The following PRKCD variants were observed in gnomAD, a reference collection of about 807,000 sequenced individuals.
PRKCD encodes protein kinase C delta type.
In PRKCD, 20 loss-of-function variants were observed where a neutral mutation model predicts 82.2. The observed-to-expected ratio is 0.24, with a 90% CI of 0.17 to 0.35. The LOEUF is 0.35. Ranked by LOEUF, PRKCD falls within the 10% of genes least tolerant of loss-of-function variation. PRKCD has a pLI of 1.00. For missense variants in PRKCD, 607 were observed against 899.0 expected, an observed-to-expected ratio of 0.68 and a Z score of 4.15; for synonymous variants, 317 against 337.0, an observed-to-expected ratio of 0.94 and a Z score of 0.65.
intron 1 of PRKCD, among the ~76,000 whole-genome samples, chr3:53,162,279 G>C (rs934223073): frequency 9.2e-5 from 14 of 152,152 alleles, no homozygotes; most frequent in Admixed American, 7.2e-4. Context: ...TCGGGGGGGG[G>C]GGTCCTCCTG....
intron 4 of PRKCD, 81 bp downstream of exon 4, chr3:53,179,857 C>T (rs1553666986): frequency 6.6e-7 from 1 of 1,507,374 alleles, no homozygotes; most frequent in Non-Finnish European, 8.9e-7. Context: ...TGTGCGTGCA[C>T]ACACGCGGGC....
At position 53,190,063 on chromosome 3, in the gene PRKCD, T is replaced by C; in HGVS notation, c.1872+62T>C. 1.9e-6 allele frequency: 3 copies of C among 1,599,600 alleles called. No individual in the cohort carries two copies. In the South Asian group the frequency reaches 3.3e-5, roughly 18 times the overall value. On this transcript the variant is annotated intron_variant, in intron 18 of 18. Transcript: ENST00000330452. ...CTACTCCTCTCCTGCCCTCCCTCTC[T>C]CCTGCATCATTCACACGCTTTCCAC...
intron 1 of PRKCD, among the ~76,000 whole-genome samples, chr3:53,162,195 C>G (rs1553663125): frequency 6.6e-6 from 1 of 152,002 alleles, no homozygotes; most frequent in Non-Finnish European, 1.5e-5. Flanking sequence ...GGCCCCTGCC[C>G]GATACGGTCT....
At chr3:53,183,725 G>A in intron 9 of PRKCD, 144 bp downstream of exon 9, 1 of 1,227,976 alleles carries the variant, frequency 8.1e-7, no homozygotes, top group Non-Finnish European at 1.1e-6. Context: ...AGGCCTTGGT[G>A]GACCCTCCCC....
intron 2 of PRKCD, among the ~76,000 whole-genome samples, chr3:53,174,133 T>C (rs1220203864): frequency 6.6e-6 from 1 of 152,216 alleles, no homozygotes; most frequent in South Asian, 2.1e-4. Flanking sequence ...TGGATCCGCA[T>C]AGGGATAACG....
intron 18 of PRKCD, among the ~76,000 whole-genome samples, chr3:53,191,540 A>G (rs572376536): frequency 4.5e-4 from 68 of 152,318 alleles, no homozygotes; most frequent in African/African-American, 1.6e-3. Context: ...GTCTTTCTAT[A>G]TTACCATCCC....
At position 53,187,407 on chromosome 3, in the gene PRKCD, G is replaced by A. The variant is rs1296260334; in HGVS notation, c.1415+5G>A. 5.0e-6 allele frequency: 8 copies of A among 1,613,728 alleles called. No homozygotes were observed. The highest frequency in any genetic ancestry group is 2.7e-5 in the African/African-American group (2 of 74,888). The stretch of plus-strand genomic sequence containing the variant: ...CAGCAAGGGCATCATTTACAGGTGC[G>A]GGGGTGAGGGCAGCGGGGGCTCTTG... On this transcript the variant is annotated splice_donor_5th_base_variant and intron_variant, in intron 15 of 18. Coordinates refer to ENST00000330452, the MANE Select transcript of PRKCD (RefSeq NM_006254.4).
In PRKCD at chr3:53,166,755, T is replaced by G. The variant is rs567618948; in HGVS notation, c.-20+1540T>G. On this transcript the variant is annotated intron_variant, in intron 2 of 18. Coordinates refer to ENST00000330452, the MANE Select transcript of PRKCD (RefSeq NM_006254.4). ...GGGCAAGTTCCAGGTGTGGCTGTGA[T>G]CTCAGTAAGGGGGGCTGGGCCACCC... 1.2e-4 allele frequency among the ~76,000 whole-genome samples: 19 copies of G among 152,342 alleles called. No homozygotes were observed. The South Asian group carries it at 3.9e-3, about 32-fold the overall frequency.
intron 2 of PRKCD, among the ~76,000 whole-genome samples, chr3:53,166,204 G>A (rs1326181713): frequency 6.6e-6 from 1 of 152,176 alleles, no homozygotes; most frequent in Admixed American, 6.5e-5. Context: ...TTCACTCTGG[G>A]GTAGGAGTTG....
At chr3:53,170,859 A>G (rs993441728) in intron 2 of PRKCD, among the ~76,000 whole-genome samples, 2 of 151,384 alleles carry the variant, frequency 1.3e-5, no homozygotes, top group African/African-American at 2.4e-5. Context: ...GTGCGTGTGG[A>G]GCCTATGTGG....
rs576024474 is a variant in PRKCD, at chr3:53,192,413, A to T, written c.*147A>T. 56 of 852,032 alleles carry T rather than the reference A, an allele frequency of 6.6e-5. No individual in the cohort carries two copies. In the South Asian group the frequency reaches 8.7e-4, roughly 13 times the overall value. 52.8% of individuals were successfully genotyped at this position (852,032 alleles called of 1,614,324 possible). On this transcript the variant is annotated 3_prime_UTR_variant, in exon 19 of 19. Coordinates refer to ENST00000330452, the MANE Select transcript of PRKCD (RefSeq NM_006254.4). ...TTGGCTGCCGTCTGGCCGGGCTCTC[A>T]TGGTACTTCCTCTGTGAACTGTGTG...
chr3:53,187,484 C>T, intron 15 of PRKCD, 82 bp downstream of exon 15: 6 of 1,444,524 alleles, frequency 4.2e-6, no homozygotes, highest in Non-Finnish European at 5.7e-6. Flanking sequence ...CAAGCAGGAT[C>T]CCCCCAACTC....
chr3:53,175,567 C>T (rs1703188644), intron 2 of PRKCD, among the ~76,000 whole-genome samples: 1 of 152,162 alleles, frequency 6.6e-6, no homozygotes, highest in Non-Finnish European at 1.5e-5. Flanking sequence ...ACCCAGGCGG[C>T]CTGGCCATCA....
chr3:53,168,671 G>A (rs1702912221), intron 2 of PRKCD, among the ~76,000 whole-genome samples: 1 of 152,074 alleles, frequency 6.6e-6, no homozygotes, highest in Non-Finnish European at 1.5e-5. Context: ...AGGAGCCACT[G>A]TGTGGGGTGG....
At chr3:53,189,723 C>A in intron 17 of PRKCD, 150 bp from the exon 18 acceptor site, 2 of 1,056,080 alleles carry the variant, frequency 1.9e-6, no homozygotes, top group Non-Finnish European at 2.8e-6. Context: ...GCACTGCAGG[C>A]CAGAGTGGCC....
chr3:53,189,367 C>T, intron 17 of PRKCD, 121 bp downstream of exon 17: 1 of 1,057,502 alleles, frequency 9.5e-7, no homozygotes, highest in Non-Finnish European at 1.3e-6. Context: ...GTGCTGCAGT[C>T]CTAACATACG....
rs182508231 is a variant in PRKCD, at chr3:53,181,995, C to T, written c.571+263C>T. The T allele has an allele frequency of 4.1e-4, 263 of 649,152 alleles. 1 individual carries two copies. The highest frequency in any genetic ancestry group is 1.2e-3 in the African/African-American group (65 of 56,234). The allele number at this position is 649,152 out of a possible 1,614,324, so 40.2% of individuals were successfully genotyped here. On this transcript the variant is annotated intron_variant, in intron 7 of 18. Transcript: ENST00000330452. ...GCAATTGGGCACAGTAGAGTATTCACGCAGAAACCAGCCCAGGCCATGCAC... is the reference window on the plus strand; with the variant it reads ...GCAATTGGGCACAGTAGAGTATTCATGCAGAAACCAGCCCAGGCCATGCAC...
intron 8 of PRKCD, 66 bp downstream of exon 8, chr3:53,183,272 C>A: frequency 6.3e-7 from 1 of 1,582,040 alleles, no homozygotes; most frequent in South Asian, 1.1e-5. Context: ...GGATTTGCAC[C>A]CTCTCCCCAC....
At chr3:53,181,051 C>A (rs112763298) in intron 4 of PRKCD, among the ~76,000 whole-genome samples, 156 bp from the exon 5 acceptor site, 2 of 151,248 alleles carry the variant, frequency 1.3e-5, no homozygotes, top group Admixed American at 1.3e-4. Flanking sequence ...GGGGCTCAGG[C>A]GGGGCCCTGC....
Sources: gnomAD v4.1 joint callset for allele counts (sites outside exome capture counted in the v4.1 genomes callset) on GRCh38, gnomAD v4.1.1 for gene constraint, MANE v1.5 for transcripts, NCBI Gene and HGNC (gene_info 2026-07-23, HGNC 2026-07-21) for gene names.